CCSER1: variants seen among roughly 807,000 people sequenced by gnomAD.
The protein encoded by CCSER1 is coiled-coil serine rich protein 1.
CCSER1 carries 41 observed loss-of-function variants against 82.0 expected under a neutral mutation model. That is an observed-to-expected ratio of 0.50 (90% CI 0.39 to 0.65). The LOEUF (loss-of-function observed/expected upper bound fraction) is 0.65, where lower values mean the gene tolerates loss of function less well. Ranked by LOEUF, CCSER1 falls within the 30% of genes least tolerant of loss-of-function variation. The pLI is 0.00. For missense variants in CCSER1, 1,119 were observed against 1,064.2 expected (o/e 1.05, Z -0.72); for synonymous variants, 414 against 383.9 (o/e 1.08, Z -0.92).
intron 7 of CCSER1, among the ~76,000 whole-genome samples, chr4:90,757,038 A>T (rs1749647497): frequency 6.6e-6 from 1 of 152,182 alleles, no homozygotes; most frequent in South Asian, 2.1e-4. Context: ...TTGCTCCCTC[A>T]TCATAAAAAA....
chr4:91,072,193 G>T (rs541687301), intron 9 of CCSER1, among the ~76,000 whole-genome samples: 1 of 152,138 alleles, frequency 6.6e-6, no homozygotes, highest in African/African-American at 2.4e-5. Flanking sequence ...GGGCATGGAA[G>T]TGCTAATCTA....
At chr4:90,848,605 T>C (rs561905624) in intron 8 of CCSER1, among the ~76,000 whole-genome samples, 27 of 152,200 alleles carry the variant, frequency 1.8e-4, no homozygotes, top group Non-Finnish European at 2.9e-4. Context: ...TACTCAGAAT[T>C]AACTCCCTGC....
At chr4:90,403,508 AAAAAAAAAAAAAG>A (rs1280597734) in intron 4 of CCSER1, among the ~76,000 whole-genome samples, 1 of 150,374 alleles carries the variant, frequency 6.7e-6, no homozygotes, top group African/African-American at 2.4e-5. Flanking sequence ...CAAAAAAAAA[AAAAAAAAAAAAAG>A]AAAAAAGACC....
At chr4:91,290,987 G>C (rs1560569808) in intron 10 of CCSER1, among the ~76,000 whole-genome samples, 1 of 151,338 alleles carries the variant, frequency 6.6e-6, no homozygotes, top group Admixed American at 6.6e-5. Context: ...TTAATAATTA[G>C]GAATAATCAG....
intron 1 of CCSER1, among the ~76,000 whole-genome samples, chr4:90,304,895 T>C (rs902936454): frequency 3.3e-5 from 5 of 152,030 alleles, no homozygotes; most frequent in Admixed American, 6.6e-5. Flanking sequence ...ACTGACTCTT[T>C]CATTTACTGT....
intron 10 of CCSER1, among the ~76,000 whole-genome samples, chr4:91,483,318 G>A (rs1391835751): frequency 6.6e-6 from 1 of 152,196 alleles, no homozygotes; most frequent in African/African-American, 2.4e-5. Flanking sequence ...TCTGAGGTCA[G>A]AATGAAGGGA....
chr4:90,554,807 T>C lies in CCSER1; in HGVS notation c.1725-73218T>C, dbSNP rs377140083. Among the ~76,000 whole-genome samples the C allele has an allele frequency of 5.3e-5, 8 of 152,336 alleles. No individual in the cohort carries two copies. In the East Asian group the frequency reaches 1.3e-3, roughly 26 times the overall value. On this transcript the variant is annotated intron_variant, in intron 5 of 10. Transcript: ENST00000509176. Reference sequence around the variant, plus strand: ...TCATACCTCGTTTTTAAGGGAGATATCTGAGAAGTAAAATGTAATGCTGTT... The same window carrying C: ...TCATACCTCGTTTTTAAGGGAGATACCTGAGAAGTAAAATGTAATGCTGTT...
chr4:91,089,900 A>G (rs1723775684), intron 10 of CCSER1, among the ~76,000 whole-genome samples: 1 of 152,060 alleles, frequency 6.6e-6, no homozygotes, highest in Non-Finnish European at 1.5e-5. Context: ...TTTTCCACAA[A>G]CTCCTCCTTC....
intron 9 of CCSER1, among the ~76,000 whole-genome samples, chr4:90,946,624 CAAAA>C (rs61298882): frequency 6.5e-5 from 7 of 108,432 alleles, no homozygotes; most frequent in Admixed American, 2.0e-4. Context: ...GACTGCACCT[CAAAA>C]AAAAAAAAAA....
chr4:91,321,152 T>C (rs945750139), intron 10 of CCSER1, among the ~76,000 whole-genome samples: 4 of 152,132 alleles, frequency 2.6e-5, no homozygotes, highest in African/African-American at 9.7e-5. Flanking sequence ...AACTTGATTC[T>C]TATTCCGTAA....
chr4:90,650,943 G>C (rs1044303165), intron 6 of CCSER1, among the ~76,000 whole-genome samples: 1 of 152,126 alleles, frequency 6.6e-6, no homozygotes, highest in Admixed American at 6.5e-5. Flanking sequence ...CTATGAAGTC[G>C]AACTAACTTG....
At chr4:91,386,446 G>A (rs963890045) in intron 10 of CCSER1, among the ~76,000 whole-genome samples, 5 of 152,050 alleles carry the variant, frequency 3.3e-5, no homozygotes, top group African/African-American at 1.2e-4. Flanking sequence ...TGTGGAAGAA[G>A]AGAGGGCTTT....
intron 4 of CCSER1, among the ~76,000 whole-genome samples, chr4:90,433,206 A>G (rs1758543855): frequency 6.6e-6 from 1 of 152,050 alleles, no homozygotes. Context: ...AGCGCCCCAC[A>G]TTTTGCTCTT....
At chr4:90,408,673 A>G (rs928723293) in intron 4 of CCSER1, among the ~76,000 whole-genome samples, 5 of 152,284 alleles carry the variant, frequency 3.3e-5, no homozygotes, top group South Asian at 4.1e-4. Context: ...TAAAACCACA[A>G]AGATAGGGGA....
rs190836628 is a variant in CCSER1, at chr4:90,650,146, G to T, written c.1932+21914G>T. Among the ~76,000 whole-genome samples the T allele has an allele frequency of 6.2e-4, 94 of 152,244 alleles. 1 individual carries two copies. The East Asian group carries it at 0.015, about 24-fold the overall frequency. ...GCAGGAGAGTTGCTTGAACCTGGGA[G>T]GGAGAGGTTGCAGTGAGCCGAGGTT... On this transcript the variant is annotated intron_variant, in intron 6 of 10. Transcript: ENST00000509176.
chr4:91,196,224 T>G (rs1735425462), intron 10 of CCSER1, among the ~76,000 whole-genome samples: 1 of 149,332 alleles, frequency 6.7e-6, no homozygotes, highest in African/African-American at 2.5e-5. Flanking sequence ...TTTAAATGGA[T>G]CCTCAAAGAC....
At chr4:90,967,591 C>A (rs764254290) in intron 9 of CCSER1, among the ~76,000 whole-genome samples, 13 of 151,952 alleles carry the variant, frequency 8.6e-5, no homozygotes, top group Admixed American at 3.9e-4. Context: ...ATAGCTAATA[C>A]TACAAAATTT....
chr4:91,331,849 A>G (rs973233752), intron 10 of CCSER1, among the ~76,000 whole-genome samples: 2 of 152,176 alleles, frequency 1.3e-5, no homozygotes, highest in Non-Finnish European at 2.9e-5. Context: ...CTGCTAGGCT[A>G]CACTTGAAAC....
intron 4 of CCSER1, among the ~76,000 whole-genome samples, chr4:90,402,659 C>T (rs886946078): frequency 1.3e-5 from 2 of 152,140 alleles, no homozygotes; most frequent in Admixed American, 1.3e-4. Flanking sequence ...GAAAACACTA[C>T]AGTTAACATA....
Sources: allele counts gnomAD v4.1 joint callset (sites outside exome capture counted in the v4.1 genomes callset), GRCh38; gene constraint gnomAD v4.1.1; transcripts MANE v1.5; gene names NCBI Gene and HGNC (gene_info 2026-07-23, HGNC 2026-07-21).